SCN3B: variants seen among roughly 807,000 people sequenced by gnomAD.
SCN3B encodes sodium voltage-gated channel beta subunit 3.
In SCN3B, 11 loss-of-function variants were observed where a neutral mutation model predicts 25.4. The ratio of observed to expected loss-of-function variants is 0.43; its 90% CI spans 0.27 to 0.72. The LOEUF is 0.72. SCN3B is among the 30% of genes least tolerant of loss of function. The pLI, the probability that SCN3B is intolerant of heterozygous loss-of-function variation, is 0.18. For synonymous variants in SCN3B, 109 were observed against 110.7 expected (o/e 0.99, Z 0.09); for missense variants, 218 against 278.3 (o/e 0.78, Z 1.54).
Position 123,642,808 on chromosome 11 carries a change from A to G in SCN3B, c.220-137T>C. 1 of 728,914 alleles carries G rather than the reference A, an allele frequency of 1.4e-6. No individual in the cohort carries two copies. Among genetic ancestry groups the G allele is most frequent in the Non-Finnish European group, 2.4e-6 (1 of 411,126 alleles). 45.2% of individuals were successfully genotyped at this position (728,914 alleles called of 1,614,324 possible). On this transcript the variant is annotated intron_variant, in intron 3 of 6. Transcript: ENST00000299333. This position sits in a 1 kb window ranked among gnomAD's most constrained non-coding sequence, Gnocchi z 4.3. ...AGAGAGGGGACAATGCCACCGGGAG[A>G]CCCAGAATGTGGGGGTGGGATGAAG...
intron 5 of SCN3B, among the ~76,000 whole-genome samples, chr11:123,635,559 G>C (rs1955714391): frequency 6.6e-6 from 1 of 151,970 alleles, no homozygotes. Context: ...GGTGGCAGGT[G>C]CCTGTAGTCC....
intron 4 of SCN3B, chr11:123,639,116 A>G (rs1436559356): frequency 1.3e-5 from 2 of 152,524 alleles, no homozygotes; most frequent in African/African-American, 4.8e-5. Context: ...GGCCTTCACA[A>G]TCCGGGCTTT....
In SCN3B at chr11:123,634,183, G is replaced by A; in HGVS notation, c.608C>T (p.Ser203Phe). ...ENASDYLAIP[S>F]ENKENSAVPV... Reference sequence around the variant, plus strand: ...TACCGCAGAGTTCTCCTTGTTCTCAGATGGGATGGCAAGGTAGTCAGACCT... The same window carrying A: ...TACCGCAGAGTTCTCCTTGTTCTCAAATGGGATGGCAAGGTAGTCAGACCT... Residue 203 changes from serine (S) to phenylalanine (F), a missense_variant, in exon 6 of 7, where the codon TCT (serine) becomes TTT (phenylalanine). Physicochemically the swap from Ser to Phe is radical, Grantham distance 155. Coordinates refer to ENST00000299333, the MANE Select transcript of SCN3B (RefSeq NM_001040151.2). 3 of 1,613,872 alleles carry A rather than the reference G, an allele frequency of 1.9e-6. No homozygotes were observed. The highest frequency in any genetic ancestry group is 2.5e-6 in the Non-Finnish European group (3 of 1,179,898).
At chr11:123,633,906 C>T (rs1292024657) in intron 6 of SCN3B, 130 bp from the exon 7 acceptor site, 2 of 502,094 alleles carry the variant, frequency 4.0e-6, no homozygotes, top group Non-Finnish European at 7.4e-6. Flanking sequence ...GTTCAGATTG[C>T]CTCGACACTC....
rs1255934627 is a variant in SCN3B at position 123,632,021 on chromosome 11, C to G, written c.*1778G>C. ...AATCCCAGTCACCTTCATCTTCTTACATTCCATAAAGCATCTTTCCCCTCT... is the reference window on the plus strand; with the variant it reads ...AATCCCAGTCACCTTCATCTTCTTAGATTCCATAAAGCATCTTTCCCCTCT... On this transcript the variant is annotated 3_prime_UTR_variant, in exon 7 of 7. Transcript: ENST00000299333. 6.6e-6 allele frequency: 1 copy of G among 152,186 alleles called. No homozygotes were observed. The highest frequency in any genetic ancestry group is 1.9e-4 in the East Asian group (1 of 5,182). The allele number at this position is 152,186 out of a possible 1,614,324, so 9.4% of individuals were successfully genotyped here.
chr11:123,645,041 GACT>G (rs1955839213), intron 3 of SCN3B, among the ~76,000 whole-genome samples: 1 of 151,708 alleles, frequency 6.6e-6, no homozygotes, highest in Non-Finnish European at 1.5e-5. Flanking sequence ...CCACTTAGGA[GACT>G]CGGCACAGCA....
chr11:123,637,290 T>C (rs191587899), intron 5 of SCN3B, among the ~76,000 whole-genome samples: 4 of 152,252 alleles, frequency 2.6e-5, no homozygotes, highest in Admixed American at 1.3e-4. Flanking sequence ...GGAAATAACA[T>C]GTTGCTTGGA....
Position 123,633,716 on chromosome 11 carries a change from C to T in SCN3B, c.*83G>A. 3.5e-6 allele frequency: 1 copy of T among 288,574 alleles called. No homozygotes were observed. The allele number at this position is 288,574 out of a possible 1,614,324, so 17.9% of individuals were successfully genotyped here. A position where few individuals can be genotyped will look rare whatever the true frequency, so the allele number is the denominator to read the frequency against. ...GAAGCGATGGGGCCCTTGGGGCGCCCTCCTGATGCCATTGACATTGCTGAA... is the reference window on the plus strand; with the variant it reads ...GAAGCGATGGGGCCCTTGGGGCGCCTTCCTGATGCCATTGACATTGCTGAA... On this transcript the variant is annotated 3_prime_UTR_variant, in exon 7 of 7. Transcript: ENST00000299333.
rs1307164372 is a variant in SCN3B at position 123,630,835 on chromosome 11, G to A, written c.*2964C>T. The A allele has an allele frequency of 6.6e-6, 1 of 152,192 alleles. No individual in the cohort carries two copies. The highest frequency in any genetic ancestry group is 1.5e-5 in the Non-Finnish European group (1 of 68,054). The allele number at this position is 152,192 out of a possible 1,614,324, so 9.4% of individuals were successfully genotyped here. ...GGAGAACATTAGGACAGGCAAGATAGGCAATGGTTAGATGGAAGCTAAAAA... is the reference window on the plus strand; with the variant it reads ...GGAGAACATTAGGACAGGCAAGATAAGCAATGGTTAGATGGAAGCTAAAAA... On this transcript the variant is annotated 3_prime_UTR_variant, in exon 7 of 7. Transcript: ENST00000299333.
intron 2 of SCN3B, among the ~76,000 whole-genome samples, chr11:123,647,459 C>CAAGAGAT (rs778911626): frequency 9.2e-5 from 14 of 152,248 alleles, no homozygotes; most frequent in Non-Finnish European, 1.9e-4. Flanking sequence ...GACTGGTTGA[C>CAAGAGAT]AGAGTAAGAC....
rs1167476930 is a variant in SCN3B, at chr11:123,633,474, T to C, written c.*325A>G. ...TAACTCCAGCACTTGTACAAAGTCA[T>C]TTGGAGCACAGGGGAGAAATCCAGT... On this transcript the variant is annotated 3_prime_UTR_variant, in exon 7 of 7. Transcript: ENST00000299333. The C allele has an allele frequency of 6.4e-6, 1 of 156,388 alleles. No individual in the cohort carries two copies. The allele number at this position is 156,388 out of a possible 1,614,324, so 9.7% of individuals were successfully genotyped here. A position where few individuals can be genotyped will look rare whatever the true frequency, so the allele number is the denominator to read the frequency against.
intron 5 of SCN3B, among the ~76,000 whole-genome samples, chr11:123,634,444 C>T (rs1317591402): frequency 6.6e-6 from 1 of 152,216 alleles, no homozygotes; most frequent in African/African-American, 2.4e-5. Flanking sequence ...TTGTCTTCAG[C>T]ATTTAGTTAG....
intron 5 of SCN3B, 131 bp from the exon 6 acceptor site, chr11:123,634,337 A>C (rs1365847859): frequency 1.3e-6 from 1 of 742,890 alleles, no homozygotes; most frequent in African/African-American, 1.7e-5. Flanking sequence ...GTGTTTCTCA[A>C]GAGAAAAACA....
At position 123,629,371 on chromosome 11, in the gene SCN3B, T is replaced by G. The variant is rs1446942609; in HGVS notation, c.*4428A>C. The G allele has an allele frequency of 6.6e-5, 10 of 152,174 alleles. No individual in the cohort carries two copies. The highest frequency in any genetic ancestry group is 2.2e-4 in the African/African-American group (9 of 41,432). 9.4% of individuals were successfully genotyped at this position (152,174 alleles called of 1,614,324 possible). ...CGGCCTCCGTCTCCATCACACACACTGCTCAGCAGAGGCAGCTCTTGCCAA... is the reference window on the plus strand; with the variant it reads ...CGGCCTCCGTCTCCATCACACACACGGCTCAGCAGAGGCAGCTCTTGCCAA... On this transcript the variant is annotated 3_prime_UTR_variant, in exon 7 of 7. Coordinates refer to ENST00000299333, the MANE Select transcript of SCN3B (RefSeq NM_001040151.2).
chr11:123,646,347 G>C (rs144109848), intron 2 of SCN3B, among the ~76,000 whole-genome samples: 2 of 152,222 alleles, frequency 1.3e-5, no homozygotes, highest in African/African-American at 4.8e-5. Context: ...AGAGAAGGAT[G>C]GTGAAACATG....
Position 123,645,720 on chromosome 11 carries a change from A to G in SCN3B, c.86T>C (p.Val29Ala). 3 of 1,614,170 alleles carry G rather than the reference A, an allele frequency of 1.9e-6. No homozygotes were observed. Among genetic ancestry groups the G allele is most frequent in the East Asian group, 2.2e-5 (1 of 44,872 alleles). The change falls in exon 3 of 7, where the codon GTG (valine) becomes GCG (alanine). Residue 29 changes from valine (V) to alanine (A), a missense_variant. Coordinates refer to ENST00000299333, the MANE Select transcript of SCN3B (RefSeq NM_001040151.2). ...CTGCACGGCCTCCGTCTCCGAGGGC[A>G]CTTCCACACACACAGGGAAGCAGAC... ...VSVCFPVCVE[V>A]PSETEAVQGN...
In SCN3B at chr11:123,632,326, A is replaced by C. The variant is rs990706146; in HGVS notation, c.*1473T>G. On this transcript the variant is annotated 3_prime_UTR_variant, in exon 7 of 7. Coordinates refer to ENST00000299333, the MANE Select transcript of SCN3B (RefSeq NM_001040151.2). ...ACTCTCCTTTTGGAGGATATTTCAG[A>C]GTCACAGATCTTTACATAAAGGAAG... The C allele has an allele frequency of 3.9e-5, 6 of 152,312 alleles. No individual in the cohort carries two copies. The highest frequency in any genetic ancestry group is 2.6e-4 in the Admixed American group (4 of 15,296). The allele number at this position is 152,312 out of a possible 1,614,324, so 9.4% of individuals were successfully genotyped here. A position where few individuals can be genotyped will look rare whatever the true frequency, so the allele number is the denominator to read the frequency against.
Position 123,638,118 on chromosome 11 carries a change from C to T in SCN3B, c.584+68G>A, listed in dbSNP as rs1955749867. 3.1e-6 allele frequency: 5 copies of T among 1,588,598 alleles called. No homozygotes were observed. In the Admixed American group the frequency reaches 5.1e-5, roughly 16 times the overall value. On this transcript the variant is annotated intron_variant, in intron 5 of 6. Coordinates refer to ENST00000299333, the MANE Select transcript of SCN3B (RefSeq NM_001040151.2). Reference sequence around the variant, plus strand: ...AGGATGAATGTAAACTGCTTAGCACCTCACCTGTGAGAGCAAGCATTCTGA... The same window carrying T: ...AGGATGAATGTAAACTGCTTAGCACTTCACCTGTGAGAGCAAGCATTCTGA...
At chr11:123,636,754 C>T (rs764508320) in intron 5 of SCN3B, among the ~76,000 whole-genome samples, 16 of 151,644 alleles carry the variant, frequency 1.1e-4, no homozygotes, top group South Asian at 2.1e-4. Context: ...AGGGCAGTGC[C>T]GTGATCTCGG....
Sources: gnomAD v4.1 joint callset for allele counts (sites outside exome capture counted in the v4.1 genomes callset) on GRCh38, gnomAD v4.1.1 for gene constraint, Gnocchi (gnomAD v3.1) non-coding constraint, MANE v1.5 for transcripts, NCBI Gene and HGNC (gene_info 2026-07-23, HGNC 2026-07-21) for gene names.